The following AHCTF1 variants were observed in gnomAD, a reference collection of about 807,000 sequenced individuals.
AHCTF1 encodes the protein protein ELYS.
A neutral mutation model predicts 248.4 loss-of-function variants in AHCTF1; 24 were observed. That is an observed-to-expected ratio of 0.10 (90% CI 0.07 to 0.14). The LOEUF is 0.14. Ranked by LOEUF, AHCTF1 falls within the 10% of genes least tolerant of loss-of-function variation. The pLI, the probability that AHCTF1 is intolerant of heterozygous loss-of-function variation, is 1.00. For synonymous variants in AHCTF1, 786 were observed against 929.8 expected, an observed-to-expected ratio of 0.85 and a Z score of 2.81; for missense variants, 2,206 against 2,636.2, an observed-to-expected ratio of 0.84 and a Z score of 3.57.
intron 5 of AHCTF1, 69 bp from the exon 6 acceptor site, chr1:246,905,726 G>C (rs915099782): frequency 1.2e-5 from 16 of 1,283,342 alleles, no homozygotes; most frequent in Non-Finnish European, 1.7e-5. Flanking sequence ...CATCATGTAA[G>C]AACTTGGGTT....
At chr1:246,865,149 G>A (rs1661877303) in intron 26 of AHCTF1, 1 of 152,120 alleles carries the variant, frequency 6.6e-6, no homozygotes, top group South Asian at 2.1e-4. Context: ...CATTTGCACA[G>A]GTCACTCTCT....
chr1:246,878,863 T>C (rs1663185325), intron 21 of AHCTF1, among the ~76,000 whole-genome samples: 1 of 152,208 alleles, frequency 6.6e-6, no homozygotes. Context: ...AGGTATTCCC[T>C]AAAAATTTAC....
chr1:246,916,086 C>A (rs887318883), intron 3 of AHCTF1, 56 bp downstream of exon 3: 1 of 1,565,302 alleles, frequency 6.4e-7, no homozygotes. Context: ...ACCTATATAA[C>A]CAGCAGGGGT....
At chr1:246,845,242 TG>T (rs1452032942) in intron 33 of AHCTF1, among the ~76,000 whole-genome samples, 25 of 152,210 alleles carry the variant, frequency 1.6e-4, no homozygotes, top group Non-Finnish European at 8.8e-5. Context: ...TATATAAAAA[TG>T]TTTTTTGTGG....
chr1:246,889,685 A>G lies in AHCTF1; in HGVS notation c.2144+281T>C, dbSNP rs187843206. Among the ~76,000 whole-genome samples the G allele has an allele frequency of 2.6e-5, 4 of 152,336 alleles. No individual in the cohort carries two copies. In the East Asian group the frequency reaches 7.7e-4, roughly 29 times the overall value. The stretch of plus-strand genomic sequence containing the variant: ...CTGCTCTAAATGTTATATGCTTTGT[A>G]ATTTTGTCACTGCAACTCGAGGAAG... On this transcript the variant is annotated intron_variant, in intron 17 of 35. Coordinates refer to ENST00000648844, the MANE Select transcript of AHCTF1 (RefSeq NM_001323342.2).
chr1:246,908,089 C>T lies in AHCTF1; in HGVS notation c.557-331G>A, dbSNP rs77164384. Reference sequence around the variant, plus strand: ...TCTTTATTGAAATTTAGAACTACTACCTAAATACCTTCCTTGGAGCAATGG... The same window carrying T: ...TCTTTATTGAAATTTAGAACTACTATCTAAATACCTTCCTTGGAGCAATGG... On this transcript the variant is annotated intron_variant, in intron 4 of 35. Transcript: ENST00000648844. Among the ~76,000 whole-genome samples, 999 of 152,106 alleles carry T rather than the reference C, an allele frequency of 6.6e-3. 10 individuals carry two copies. The highest frequency in any genetic ancestry group is 8.4e-3 in the Non-Finnish European group (569 of 67,986).
intron 8 of AHCTF1, 29 bp from the exon 9 acceptor site, chr1:246,900,498 A>G (rs1285100353): frequency 1.3e-6 from 2 of 1,572,056 alleles, no homozygotes; most frequent in African/African-American, 1.4e-5. Flanking sequence ...TTTTAAAAAC[A>G]GAATAAAGAA....
At chr1:246,913,196 T>C (rs1290246561) in intron 4 of AHCTF1, 36 bp downstream of exon 4, 3 of 1,496,958 alleles carry the variant, frequency 2.0e-6, no homozygotes, top group African/African-American at 1.4e-5. Context: ...AATATCCAGG[T>C]GCTCCATTTT....
intron 21 of AHCTF1, among the ~76,000 whole-genome samples, chr1:246,880,323 G>C (rs1320277635): frequency 6.6e-6 from 1 of 151,816 alleles, no homozygotes; most frequent in Non-Finnish European, 1.5e-5. Context: ...CCAGCACTTT[G>C]GGAGCCCGAG....
intron 6 of AHCTF1, 38 bp downstream of exon 6, chr1:246,905,503 A>C (rs1665323316): frequency 3.3e-6 from 5 of 1,530,988 alleles, no homozygotes; most frequent in African/African-American, 1.4e-5. Context: ...TCTCCAAAAA[A>C]ACAAAACAAA....
intron 4 of AHCTF1, among the ~76,000 whole-genome samples, chr1:246,911,479 C>CTTTTTTTT (rs35320501): frequency 8.0e-5 from 8 of 99,490 alleles, no homozygotes; most frequent in East Asian, 3.0e-4. Context: ...TATGAAGATT[C>CTTTTTTTT]TTTTTTTTTT....
Position 246,840,530 on chromosome 1 carries a change from G to A in AHCTF1, c.*276C>T, listed in dbSNP as rs1157740228. The A allele has an allele frequency of 1.2e-5, 2 of 173,658 alleles. No individual in the cohort carries two copies. The highest frequency in any genetic ancestry group is 1.2e-5 in the Non-Finnish European group (1 of 84,824). 10.8% of individuals were successfully genotyped at this position (173,658 alleles called of 1,614,324 possible). On this transcript the variant is annotated 3_prime_UTR_variant, in exon 36 of 36. Transcript: ENST00000648844. ...TATCCCCTCCCTTTCAAAAATCCAA[G>A]ACACAAACGACTGTGAAGTATACAT...
At chr1:246,916,818 C>A (rs1333277432) in intron 2 of AHCTF1, among the ~76,000 whole-genome samples, 1 of 152,168 alleles carries the variant, frequency 6.6e-6, no homozygotes, top group Non-Finnish European at 1.5e-5. Flanking sequence ...AGAAGTAGAT[C>A]CCAAGCCTGT....
intron 4 of AHCTF1, 112 bp downstream of exon 4, chr1:246,913,120 A>C: frequency 1.2e-6 from 1 of 839,726 alleles, no homozygotes; most frequent in Non-Finnish European, 1.8e-6. Context: ...ATAGATAGGA[A>C]GATATCTTTT....
In AHCTF1 at chr1:246,843,796, A is replaced by C. The variant is rs199638572; in HGVS notation, c.6524T>G (p.Leu2175Arg). 1.4e-6 allele frequency: 2 copies of C among 1,419,704 alleles called. No homozygotes were observed. The highest frequency in any genetic ancestry group is 1.5e-5 in the African/African-American group (1 of 68,020). 87.9% of individuals were successfully genotyped at this position (1,419,704 alleles called of 1,614,324 possible). A position where few individuals can be genotyped will look rare whatever the true frequency, so the allele number is the denominator to read the frequency against. ...TSNKNKLEDELKDDAQSVETL... is the reference protein window; with the variant it reads ...TSNKNKLEDERKDDAQSVETL... ...CAAATAAAATCATGCATTTCTTACC[A>C]GTTCATCTTCAAGCTTGTTCTTATT... Residue 2175 changes from leucine to arginine, a missense_variant and splice_region_variant, in exon 34 of 36, where the codon CTG becomes CGG. Transcript: ENST00000648844.
chr1:246,879,143 G>A (rs569867497), intron 21 of AHCTF1, among the ~76,000 whole-genome samples: 3 of 151,550 alleles, frequency 2.0e-5, no homozygotes, highest in Non-Finnish European at 4.4e-5. Flanking sequence ...CAACAACACA[G>A]GAAAAAAAGC....
chr1:246,922,805 A>AC (rs1285822461), intron 1 of AHCTF1, among the ~76,000 whole-genome samples: 2 of 150,520 alleles, frequency 1.3e-5, no homozygotes, highest in Non-Finnish European at 3.0e-5. Flanking sequence ...ACACGGTGAA[A>AC]CCCTGTCTCT....
At chr1:246,910,989 T>C (rs1021096474) in intron 4 of AHCTF1, among the ~76,000 whole-genome samples, 1 of 152,254 alleles carries the variant, frequency 6.6e-6, no homozygotes, top group Non-Finnish European at 1.5e-5. Context: ...CCTAAACAGT[T>C]GTAATCATAA....
At chr1:246,877,726 C>T (rs1350062717) in intron 21 of AHCTF1, among the ~76,000 whole-genome samples, 1 of 151,882 alleles carries the variant, frequency 6.6e-6, no homozygotes. Context: ...AAGAGTAGAG[C>T]TTGGTAGTAG....
Sources: gnomAD v4.1 joint callset for allele counts (sites outside exome capture counted in the v4.1 genomes callset) on GRCh38, gnomAD v4.1.1 for gene constraint, MANE v1.5 for transcripts, NCBI Gene and HGNC (gene_info 2026-07-23, HGNC 2026-07-21) for gene names.